The following NTRK1 variants were observed in gnomAD, a reference collection of about 807,000 sequenced individuals.
The protein encoded by NTRK1 is neurotrophic receptor tyrosine kinase 1.
NTRK1 carries 62 observed loss-of-function variants against 86.8 expected under a neutral mutation model. The observed-to-expected ratio is 0.71, with a 90% CI of 0.58 to 0.88. The LOEUF is 0.88. Ranked by LOEUF, NTRK1 falls within the 40% of genes least tolerant of loss-of-function variation. The pLI, the probability that NTRK1 is intolerant of heterozygous loss-of-function variation, is 0.00. For missense variants in NTRK1, 967 were observed against 1,078.4 expected (o/e 0.90, Z 1.45); for synonymous variants, 469 against 456.6 (o/e 1.03, Z -0.35).
At chr1:156,858,600 G>C, upstream of NTRK1, 1 of 1,614,044 alleles carries the variant, frequency 6.2e-7, no homozygotes, top group South Asian at 1.1e-5. Context: ...GCTCCCCAGG[G>C]CCACAGACTA....
rs1021229102 is a variant in NTRK1, at chr1:156,854,595, G to A, written c.51-9759G>A. 1.2e-4 allele frequency among the ~76,000 whole-genome samples: 19 copies of A among 152,160 alleles called. No homozygotes were observed. Among genetic ancestry groups the A allele is most frequent in the African/African-American group, 4.1e-4 (17 of 41,512 alleles). ...TCATTCTTGCAGTCAGGCTCCCAAC[G>A]ACTGCAAGCGACTCCCAGCGACTTC... On this transcript the variant is annotated intron_variant, in intron 2 of 16. Transcript: ENST00000392302. This position sits in a 1 kb window ranked among gnomAD's most constrained non-coding sequence, Gnocchi z 4.2.
upstream of NTRK1, among the ~76,000 whole-genome samples, chr1:156,859,187 A>C (rs1025145845): frequency 2.2e-4 from 28 of 126,496 alleles, no homozygotes; most frequent in African/African-American, 8.0e-4. The surrounding 1 kb of genome is among the most constrained non-coding windows in gnomAD (Gnocchi z 6.2). Flanking sequence ...ATTGGTTCGC[A>C]GGGACCTTTC....
At position 156,854,298 on chromosome 1, in the gene NTRK1, G is replaced by A; in HGVS notation, c.51-10056G>A. The stretch of plus-strand genomic sequence containing the variant: ...ACCTCTGAGCGAATATCCAGGCTGG[G>A]GCACACTGTGGGCATACACGGCACG... On this transcript the variant is annotated intron_variant, in intron 2 of 16. Transcript: ENST00000392302. The surrounding 1 kb of genome is among the most constrained non-coding windows in gnomAD (Gnocchi z 4.2). 1 of 1,608,840 alleles carries A rather than the reference G, an allele frequency of 6.2e-7. No homozygotes were observed. Among genetic ancestry groups the A allele is most frequent in the Non-Finnish European group, 8.5e-7 (1 of 1,177,864 alleles).
At chr1:156,860,733 G>A, upstream of NTRK1, 3 of 1,034,838 alleles carry the variant, frequency 2.9e-6, no homozygotes, top group Non-Finnish European at 2.6e-6. Context: ...AACAGGGGAG[G>A]GGGCAGAGGG....
intron 1 of NTRK1, among the ~76,000 whole-genome samples, chr1:156,863,230 G>A (rs954876130): frequency 3.3e-5 from 5 of 152,012 alleles, no homozygotes; most frequent in Non-Finnish European, 7.4e-5. Flanking sequence ...TGTCTATCTC[G>A]CTTTCTGTAG....
At position 156,840,803 on chromosome 1, in the gene NTRK1, C is replaced by T. The variant is rs188288402; in HGVS notation, c.-63-1278C>T. The T allele has an allele frequency of 4.0e-5, 48 of 1,185,488 alleles. No individual in the cohort carries two copies. The East Asian group carries it at 6.5e-4, about 16-fold the overall frequency. 73.4% of individuals were successfully genotyped at this position (1,185,488 alleles called of 1,614,324 possible). ...GTTGGGGTGGGGGTGAACATTCAGG[C>T]GTCTCAGCCACAGAGGTCGGGTCCC... is the stretch of plus-strand genomic sequence containing the variant. On this transcript the variant is annotated intron_variant, in intron 1 of 16. Transcript: ENST00000392302.
upstream of NTRK1, chr1:156,859,128 C>G (rs1437531628): frequency 6.5e-6 from 1 of 154,656 alleles, no homozygotes. The surrounding 1 kb of genome is among the most constrained non-coding windows in gnomAD (Gnocchi z 6.2). Context: ...AGGGCCGGCA[C>G]GCAGGGGCCG....
intron 14 of NTRK1, among the ~76,000 whole-genome samples, chr1:156,878,781 G>A (rs1240301249): frequency 6.6e-6 from 1 of 152,194 alleles, no homozygotes; most frequent in Admixed American, 6.5e-5. Flanking sequence ...GGGCAGGCTT[G>A]GGGAAAGACA....
Position 156,842,194 on chromosome 1 carries a change from GT to G in NTRK1, c.50+2del. The G allele has an allele frequency of 6.2e-7, 1 of 1,614,068 alleles. No individual in the cohort carries two copies. The highest frequency in any genetic ancestry group is 8.5e-7 in the Non-Finnish European group (1 of 1,180,018). The stretch of plus-strand genomic sequence containing the variant: ...GGTGCACAAACTTGTTGGCAGCAAG[GT>G]AGGCCATGCCGTCTGCAATCTCACC... On this transcript the variant is annotated splice_donor_variant, in intron 2 of 16. Coordinates refer to the NTRK1 transcript ENST00000392302. LOFTEE classifies it high-confidence loss of function.
chr1:156,830,371 T>C (rs1468978676), intron 1 of NTRK1, among the ~76,000 whole-genome samples: 2 of 152,120 alleles, frequency 1.3e-5, no homozygotes, highest in Non-Finnish European at 2.9e-5. Flanking sequence ...ATCTCTGGTG[T>C]GCCTCGACAT....
intron 2 of NTRK1, among the ~76,000 whole-genome samples, chr1:156,846,946 A>T (rs1450018737): frequency 1.3e-5 from 2 of 152,240 alleles, no homozygotes; most frequent in African/African-American, 4.8e-5. Flanking sequence ...TATCTGTGTC[A>T]GTGAAATTTG....
chr1:156,867,640 T>C (rs1045740337), intron 4 of NTRK1, among the ~76,000 whole-genome samples: 1 of 148,292 alleles, frequency 6.7e-6, no homozygotes, highest in Non-Finnish European at 1.5e-5. Flanking sequence ...GCTTATTTCT[T>C]TTCTTTTCTT....
chr1:156,856,559 C>T (rs1655410238), upstream of NTRK1, among the ~76,000 whole-genome samples: 1 of 152,196 alleles, frequency 6.6e-6, no homozygotes, highest in South Asian at 2.1e-4. Flanking sequence ...TTCCCTGACC[C>T]TCTGGCCTGG....
intron 1 of NTRK1, among the ~76,000 whole-genome samples, chr1:156,832,740 A>G (rs1201015472): frequency 6.6e-6 from 1 of 152,218 alleles, no homozygotes; most frequent in African/African-American, 2.4e-5. Flanking sequence ...AAGGATTTTC[A>G]GCAGGGAAGC....
chr1:156,818,826 T>C (rs1227073267), intron 1 of NTRK1, among the ~76,000 whole-genome samples: 2 of 152,232 alleles, frequency 1.3e-5, no homozygotes, highest in Non-Finnish European at 2.9e-5. Context: ...TCTTTTCCTT[T>C]GAATAGACAC....
chr1:156,849,513 G>GGGGC, intron 2 of NTRK1: 15 of 486,112 alleles, frequency 3.1e-5, no homozygotes, highest in East Asian at 1.6e-4. Flanking sequence ...CAGGGGGTGG[G>GGGGC]AAAGGGGATG....
Position 156,851,887 on chromosome 1 carries a change from C to A in NTRK1, c.50+9694C>A, listed in dbSNP as rs933634612. The A allele has an allele frequency of 3.2e-6, 5 of 1,580,588 alleles. No individual in the cohort carries two copies. The Admixed American group carries it at 8.6e-5, about 27-fold the overall frequency. On this transcript the variant is annotated intron_variant, in intron 2 of 16. Coordinates refer to the NTRK1 transcript ENST00000392302. ...GTGCCCCCCACCCTCCCTACACTCACCTGCTGCTATTACGGGTGAAGCCAG... is the reference window on the plus strand; with the variant it reads ...GTGCCCCCCACCCTCCCTACACTCAACTGCTGCTATTACGGGTGAAGCCAG...
Position 156,854,318 on chromosome 1 carries a change from G to A in NTRK1, c.51-10036G>A, listed in dbSNP as rs1321711244. The A allele has an allele frequency of 1.7e-5, 27 of 1,595,276 alleles. No individual in the cohort carries two copies. The highest frequency in any genetic ancestry group is 4.0e-5 in the African/African-American group (3 of 74,740). On this transcript the variant is annotated intron_variant, in intron 2 of 16. Transcript: ENST00000392302. This position sits in a 1 kb window ranked among gnomAD's most constrained non-coding sequence, Gnocchi z 4.2. ...GCTGGGGCACACTGTGGGCATACAC[G>A]GCACGCAGCATTGAGTACAGCCCAG...
At position 156,869,018 on chromosome 1, in the gene NTRK1, C is replaced by CCTTCCTTCCTTCCTTCCTTCCTT. The variant is rs148489988; in HGVS notation, c.717+372_717+373insTTCCTTCCTTCCTTCCTTCCTTC. Reference sequence around the variant, plus strand: ...CCTCCCGTACATCACTTTTCTCTCTCCCTTCCTTCCTTCCTTCCTTCCTTC... The same window carrying CCTTCCTTCCTTCCTTCCTTCCTT: ...CCTCCCGTACATCACTTTTCTCTCTCCTTCCTTCCTTCCTTCCTTCCTTCCTTCCTTCCTTCCTTCCTTCCTTC... On this transcript the variant is annotated intron_variant, in intron 6 of 16. Coordinates refer to ENST00000524377, the MANE Select transcript of NTRK1 (RefSeq NM_002529.4). 3.0e-4 allele frequency among the ~76,000 whole-genome samples: 13 copies of CCTTCCTTCCTTCCTTCCTTCCTT among 43,562 alleles called. 2 individuals carry two copies. The highest frequency in any genetic ancestry group is 1.2e-3 in the Admixed American group (6 of 4,934). The allele number at this position is 43,562 out of a possible 152,430, so 28.6% of individuals were successfully genotyped here. A position where few individuals can be genotyped will look rare whatever the true frequency, so the allele number is the denominator to read the frequency against.
Sources: allele counts gnomAD v4.1 joint callset (sites outside exome capture counted in the v4.1 genomes callset), GRCh38; gene constraint gnomAD v4.1.1; non-coding constraint Gnocchi (gnomAD v3.1); transcripts MANE v1.5; gene names NCBI Gene and HGNC (gene_info 2026-07-23, HGNC 2026-07-21).